Variants in ENPP6 observed in about 807,000 individuals in gnomAD.
ENPP6 encodes the protein glycerophosphocholine cholinephosphodiesterase ENPP6.
A neutral mutation model predicts 42.0 loss-of-function variants in ENPP6; 32 were observed. The ratio of observed to expected loss-of-function variants is 0.76; its 90% CI spans 0.58 to 1.02. The LOEUF is 1.02. ENPP6 is among the 50% of genes least tolerant of loss of function. The pLI is 0.00. For missense variants in ENPP6, 552 were observed against 566.8 expected, an observed-to-expected ratio of 0.97 and a Z score of 0.27; for synonymous variants, 213 against 216.0, an observed-to-expected ratio of 0.99 and a Z score of 0.12.
chr4:184,091,123 T>C lies in ENPP6; in HGVS notation c.*54A>G. The stretch of plus-strand genomic sequence containing the variant: ...CACATAAAATGAAAATCATCTGGCT[T>C]TGGAGGCCCACTTTGCTGATGGTGT... On this transcript the variant is annotated 3_prime_UTR_variant, in exon 8 of 8. Coordinates refer to ENST00000296741, the MANE Select transcript of ENPP6 (RefSeq NM_153343.4). 1 of 1,480,104 alleles carries C rather than the reference T, an allele frequency of 6.8e-7. No individual in the cohort carries two copies. The highest frequency in any genetic ancestry group is 9.0e-7 in the Non-Finnish European group (1 of 1,112,216). 91.7% of individuals were successfully genotyped at this position (1,480,104 alleles called of 1,614,324 possible).
At chr4:184,165,388 C>T (rs1199017044) in intron 1 of ENPP6, among the ~76,000 whole-genome samples, 2 of 152,162 alleles carry the variant, frequency 1.3e-5, no homozygotes, top group Non-Finnish European at 2.9e-5. Flanking sequence ...GGGCAGAACC[C>T]CAGTCCCAAC....
Position 184,146,002 on chromosome 4 carries a change from T to C in ENPP6, c.421+7552A>G, listed in dbSNP as rs370702948. On this transcript the variant is annotated intron_variant, in intron 2 of 7. Coordinates refer to ENST00000296741, the MANE Select transcript of ENPP6 (RefSeq NM_153343.4). ...TTTAAAAGGAATATTCATGACTCTG[T>C]GATTTTAAGTTTTTCTTTTTCTTTT... is the stretch of plus-strand genomic sequence containing the variant. Among the ~76,000 whole-genome samples the C allele has an allele frequency of 1.4e-3, 207 of 150,652 alleles. 1 individual carries two copies. The highest frequency in any genetic ancestry group is 4.4e-3 in the African/African-American group (181 of 41,244).
intron 2 of ENPP6, among the ~76,000 whole-genome samples, chr4:184,143,927 C>G (rs1426391805): frequency 6.6e-6 from 1 of 152,218 alleles, no homozygotes; most frequent in Non-Finnish European, 1.5e-5. Context: ...TGTCTGCACA[C>G]CAAGGGCTCA....
At chr4:184,145,218 T>C (rs1037562720) in intron 2 of ENPP6, among the ~76,000 whole-genome samples, 2 of 152,244 alleles carry the variant, frequency 1.3e-5, no homozygotes, top group Admixed American at 6.5e-5. Context: ...CTAGGGAACG[T>C]CAGTCCTTCC....
chr4:184,202,522 C>G (rs1732920220), intron 1 of ENPP6, among the ~76,000 whole-genome samples: 1 of 152,188 alleles, frequency 6.6e-6, no homozygotes, highest in African/African-American at 2.4e-5. Flanking sequence ...TTCTCTGCAA[C>G]CCCCGACCCA....
chr4:184,139,332 AT>A (rs553271989), intron 2 of ENPP6, among the ~76,000 whole-genome samples: 219 of 147,056 alleles, frequency 1.5e-3, no homozygotes, highest in Middle Eastern at 3.5e-3. Flanking sequence ...TCTGAGGTGA[AT>A]TTTTTTTTTT....
chr4:184,217,476 G>C, intron 1 of ENPP6, 103 bp downstream of exon 1: 2 of 1,479,818 alleles, frequency 1.4e-6, no homozygotes, highest in South Asian at 1.3e-5. Flanking sequence ...CAAAGGACTA[G>C]AGAATCCAGA....
chr4:184,176,220 C>A (rs926775694), intron 1 of ENPP6, among the ~76,000 whole-genome samples: 1 of 152,214 alleles, frequency 6.6e-6, no homozygotes, highest in Non-Finnish European at 1.5e-5. Context: ...GAAGCAGCAC[C>A]TTTGGCCAAC....
chr4:184,158,558 T>C (rs1737211116), intron 1 of ENPP6, among the ~76,000 whole-genome samples: 1 of 152,200 alleles, frequency 6.6e-6, no homozygotes, highest in South Asian at 2.1e-4. Flanking sequence ...ATTAGAAACA[T>C]GGAGAATTAA....
intron 1 of ENPP6, among the ~76,000 whole-genome samples, chr4:184,166,118 C>T (rs1425359538): frequency 6.6e-6 from 1 of 152,132 alleles, no homozygotes; most frequent in African/African-American, 2.4e-5. Context: ...TGTTCAAAGA[C>T]ACACTTTGGA....
At chr4:184,135,387 C>A (rs980131064) in intron 2 of ENPP6, among the ~76,000 whole-genome samples, 2 of 152,126 alleles carry the variant, frequency 1.3e-5, no homozygotes, top group Non-Finnish European at 2.9e-5. Context: ...AGGAACATTA[C>A]AATTTAGAAC....
At chr4:184,159,878 C>T (rs1737233588) in intron 1 of ENPP6, among the ~76,000 whole-genome samples, 1 of 152,214 alleles carries the variant, frequency 6.6e-6, no homozygotes, top group African/African-American at 2.4e-5. Context: ...GCTTAGCTCC[C>T]ACTTATAAGT....
At chr4:184,204,423 C>T (rs774575884) in intron 1 of ENPP6, among the ~76,000 whole-genome samples, 1 of 152,186 alleles carries the variant, frequency 6.6e-6, no homozygotes, top group Non-Finnish European at 1.5e-5. Flanking sequence ...CTGCCACATG[C>T]GTCCCTAGGT....
chr4:184,170,759 C>T (rs1035998112), intron 1 of ENPP6, among the ~76,000 whole-genome samples: 9 of 152,214 alleles, frequency 5.9e-5, no homozygotes, highest in African/African-American at 2.2e-4. Flanking sequence ...TACTTGCTCT[C>T]GCGTCACGCC....
chr4:184,145,699 ACT>A (rs960592911), intron 2 of ENPP6, among the ~76,000 whole-genome samples: 2 of 151,268 alleles, frequency 1.3e-5, no homozygotes, highest in East Asian at 1.9e-4. Flanking sequence ...TTTCAGAGAA[ACT>A]CTTTTCCCAA....
rs191615829 is a variant in ENPP6, at chr4:184,143,381, C to T, written c.421+10173G>A. Among the ~76,000 whole-genome samples the T allele has an allele frequency of 6.8e-4, 103 of 152,336 alleles. 1 individual carries two copies. Among genetic ancestry groups the T allele is most frequent in the African/African-American group, 2.3e-3 (94 of 41,578 alleles). On this transcript the variant is annotated intron_variant, in intron 2 of 7. Transcript: ENST00000296741. Reference sequence around the variant, plus strand: ...ACTCATAGGAAGAGCTGAGGCAAGGCGGGAGCAGTGTCTGTGGGCCCTGCA... The same window carrying T: ...ACTCATAGGAAGAGCTGAGGCAAGGTGGGAGCAGTGTCTGTGGGCCCTGCA...
chr4:184,168,736 G>C (rs1737404396), intron 1 of ENPP6, among the ~76,000 whole-genome samples: 1 of 152,204 alleles, frequency 6.6e-6, no homozygotes, highest in Non-Finnish European at 1.5e-5. Context: ...GCAGGAATCT[G>C]ACAGCTGCTT....
chr4:184,128,595 C>A lies in ENPP6; in HGVS notation c.422-4323G>T, dbSNP rs201694003. Among the ~76,000 whole-genome samples, 611 of 146,246 alleles carry A rather than the reference C, an allele frequency of 4.2e-3. 7 individuals are homozygous for A. Among genetic ancestry groups the A allele is most frequent in the Non-Finnish European group, 5.3e-3 (352 of 66,502 alleles). On this transcript the variant is annotated intron_variant, in intron 2 of 7. Coordinates refer to ENST00000296741, the MANE Select transcript of ENPP6 (RefSeq NM_153343.4). ...AGAAGAATAGATATAAAAGAATGGGCAAAAAAAAAAACCTACACACACAAA... is the reference window on the plus strand; with the variant it reads ...AGAAGAATAGATATAAAAGAATGGGAAAAAAAAAAAACCTACACACACAAA...
At chr4:184,195,874 C>T (rs1732785889) in intron 1 of ENPP6, among the ~76,000 whole-genome samples, 1 of 152,248 alleles carries the variant, frequency 6.6e-6, no homozygotes, top group Admixed American at 6.5e-5. Context: ...CTTAGACTCT[C>T]ATCTGACCCA....
Sources: gnomAD v4.1 joint callset for allele counts (sites outside exome capture counted in the v4.1 genomes callset) on GRCh38, gnomAD v4.1.1 for gene constraint, MANE v1.5 for transcripts, NCBI Gene and HGNC (gene_info 2026-07-23, HGNC 2026-07-21) for gene names.